The following MTUS2 variants were observed in gnomAD, a reference collection of about 807,000 sequenced individuals.
MTUS2 encodes microtubule associated scaffold protein 2.
Under a neutral mutation model 114.1 loss-of-function variants are expected in MTUS2, and 40 were observed. The observed-to-expected ratio is 0.35, with a 90% CI of 0.27 to 0.46. The LOEUF is 0.46. Ranked by LOEUF, MTUS2 falls within the 20% of genes least tolerant of loss-of-function variation. MTUS2 has a pLI of 1.00. For synonymous variants in MTUS2, 688 were observed against 672.0 expected (o/e 1.02, Z -0.37); for missense variants, 1,679 against 1,705.4 (o/e 0.98, Z 0.27).
At chr13:29,062,507 T>C (rs1330438724) in intron 4 of MTUS2, among the ~76,000 whole-genome samples, 1 of 152,234 alleles carries the variant, frequency 6.6e-6, no homozygotes. Flanking sequence ...CCCGTGATGC[T>C]GTGCCCTGAA....
At chr13:29,009,794 T>A (rs1885759689) in intron 2 of MTUS2, among the ~76,000 whole-genome samples, 1 of 152,238 alleles carries the variant, frequency 6.6e-6, no homozygotes, top group Non-Finnish European at 1.5e-5. Flanking sequence ...TCTTACATAT[T>A]TGGTCATTTT....
At chr13:29,274,262 C>T (rs1046490303) in intron 5 of MTUS2, among the ~76,000 whole-genome samples, 2 of 152,090 alleles carry the variant, frequency 1.3e-5, no homozygotes, top group African/African-American at 2.4e-5. Flanking sequence ...TACAGGTGCC[C>T]GCCACAACTG....
At chr13:28,884,067 G>A (rs1458217450) in intron 2 of MTUS2, among the ~76,000 whole-genome samples, 1 of 152,176 alleles carries the variant, frequency 6.6e-6, no homozygotes, top group African/African-American at 2.4e-5. Flanking sequence ...TATATAGTCT[G>A]AATGGAAAGC....
chr13:28,964,260 C>T (rs1883471100), intron 2 of MTUS2, among the ~76,000 whole-genome samples: 1 of 152,202 alleles, frequency 6.6e-6, no homozygotes, highest in Admixed American at 6.5e-5. Flanking sequence ...GTCAACAATC[C>T]TGGCAAGTCC....
chr13:28,897,344 A>G (rs1048938000), intron 2 of MTUS2, among the ~76,000 whole-genome samples: 5 of 152,220 alleles, frequency 3.3e-5, no homozygotes, highest in African/African-American at 9.6e-5. Flanking sequence ...CAAAACCACA[A>G]TGAGATACCA....
chr13:29,209,956 T>C (rs1308606518), intron 5 of MTUS2, among the ~76,000 whole-genome samples: 1 of 152,214 alleles, frequency 6.6e-6, no homozygotes, highest in African/African-American at 2.4e-5. Context: ...TTGAGGTTCT[T>C]GTATTTGGCT....
chr13:28,833,804 G>T (rs1198628573), intron 1 of MTUS2, among the ~76,000 whole-genome samples: 1 of 152,024 alleles, frequency 6.6e-6, no homozygotes, highest in Non-Finnish European at 1.5e-5. Context: ...CCTAAGGACT[G>T]TATACACAGA....
intron 5 of MTUS2, among the ~76,000 whole-genome samples, chr13:29,260,664 T>C (rs1041144048): frequency 6.6e-6 from 1 of 152,226 alleles, no homozygotes; most frequent in African/African-American, 2.4e-5. Flanking sequence ...GCAAGAAAGC[T>C]AACTCAGCAG....
intron 1 of MTUS2, among the ~76,000 whole-genome samples, chr13:28,834,031 C>T (rs538031105): frequency 1.3e-5 from 2 of 151,924 alleles, no homozygotes; most frequent in South Asian, 2.1e-4. Flanking sequence ...AGATAATGTA[C>T]GTAAATGGAA....
At chr13:28,955,977 T>C (rs1005771023) in intron 2 of MTUS2, among the ~76,000 whole-genome samples, 2 of 151,742 alleles carry the variant, frequency 1.3e-5, no homozygotes, top group Admixed American at 1.3e-4. Context: ...AGTTCTTTAG[T>C]GGTGATTTGT....
intron 2 of MTUS2, among the ~76,000 whole-genome samples, chr13:28,879,879 T>G (rs1878184082): frequency 6.6e-6 from 1 of 152,004 alleles, no homozygotes; most frequent in African/African-American, 2.4e-5. Context: ...GTAACCCAGG[T>G]AGAAGTGGTT....
chr13:29,201,278 T>G (rs1020537541), intron 5 of MTUS2, among the ~76,000 whole-genome samples: 1 of 151,900 alleles, frequency 6.6e-6, no homozygotes, highest in Non-Finnish European at 1.5e-5. Flanking sequence ...CTTCTTTGCC[T>G]TTTTTGATCT....
intron 8 of MTUS2, among the ~76,000 whole-genome samples, chr13:29,375,119 G>T (rs919189918): frequency 4.6e-5 from 7 of 152,074 alleles, no homozygotes; most frequent in African/African-American, 1.7e-4. Flanking sequence ...AGTAATCGTG[G>T]TTTTTGCCAT....
intron 3 of MTUS2, among the ~76,000 whole-genome samples, chr13:29,031,307 G>GTCTC (rs34098187): frequency 0.96 from 143,705 of 149,450 alleles, 69,158 homozygotes; most frequent in South Asian, 0.98. Flanking sequence ...CTATACTTAT[G>GTCTC]TCTCTCAATA....
At chr13:29,252,728 T>A (rs1897164981) in intron 5 of MTUS2, among the ~76,000 whole-genome samples, 1 of 152,034 alleles carries the variant, frequency 6.6e-6, no homozygotes, top group South Asian at 2.1e-4. Flanking sequence ...TCTCACGAGA[T>A]CCCTCATACT....
At chr13:28,994,933 T>C (rs1358487855) in intron 2 of MTUS2, among the ~76,000 whole-genome samples, 1 of 152,168 alleles carries the variant, frequency 6.6e-6, no homozygotes, top group Non-Finnish European at 1.5e-5. Flanking sequence ...ATTTTGTCTT[T>C]TGTTGCCATT....
chr13:29,252,298 G>T (rs969717675), intron 5 of MTUS2, among the ~76,000 whole-genome samples: 2 of 152,004 alleles, frequency 1.3e-5, no homozygotes, highest in Admixed American at 6.5e-5. Context: ...ACTCGTTCCC[G>T]TGGACTTATT....
At chr13:28,931,698 C>T (rs1047368332) in intron 2 of MTUS2, among the ~76,000 whole-genome samples, 16 of 152,062 alleles carry the variant, frequency 1.1e-4, no homozygotes, top group African/African-American at 2.9e-4. Context: ...TTTTATTATA[C>T]TTTAAGTTTT....
At chr13:29,032,211 G>A (rs1320669515) in intron 3 of MTUS2, among the ~76,000 whole-genome samples, 1 of 152,048 alleles carries the variant, frequency 6.6e-6, no homozygotes, top group Admixed American at 6.6e-5. Context: ...AAGAATTTGC[G>A]ATCTCACCAG....
Sources: gnomAD v4.1 joint callset for allele counts (sites outside exome capture counted in the v4.1 genomes callset) on GRCh38, gnomAD v4.1.1 for gene constraint, MANE v1.5 for transcripts, NCBI Gene and HGNC (gene_info 2026-07-23, HGNC 2026-07-21) for gene names.